NRXN3: variants seen among roughly 807,000 people sequenced by gnomAD.
NRXN3 encodes neurexin 3, also known as neurexin III.
Under a neutral mutation model 137.6 loss-of-function variants are expected in NRXN3, and 32 were observed. The ratio of observed to expected loss-of-function variants is 0.23; its 90% CI spans 0.18 to 0.31. The LOEUF is 0.31. NRXN3 is among the 10% of genes least tolerant of loss of function. The pLI, the probability that NRXN3 is intolerant of heterozygous loss-of-function variation, is 1.00. For synonymous variants in NRXN3, 798 were observed against 784.5 expected (o/e 1.02, Z -0.29); for missense variants, 1,574 against 2,062.5 (o/e 0.76, Z 4.59).
chr14:78,412,077 G>A (rs1362192481), intron 4 of NRXN3, among the ~76,000 whole-genome samples: 2 of 152,180 alleles, frequency 1.3e-5, no homozygotes, highest in Non-Finnish European at 2.9e-5. Context: ...AACAAAGAAT[G>A]CATGTAAGAT....
chr14:79,163,299 T>C (rs530037142), intron 15 of NRXN3, among the ~76,000 whole-genome samples: 1 of 152,112 alleles, frequency 6.6e-6, no homozygotes, highest in African/African-American at 2.4e-5. Flanking sequence ...ACTGTACTCT[T>C]CTTCAAGCCC....
intron 10 of NRXN3, among the ~76,000 whole-genome samples, chr14:78,899,427 G>A (rs889017993): frequency 1.3e-5 from 2 of 151,902 alleles, no homozygotes; most frequent in South Asian, 4.1e-4. Flanking sequence ...TATGAGATGG[G>A]AAACCTGGCT....
chr14:78,686,789 G>A (rs1477909417), intron 6 of NRXN3, among the ~76,000 whole-genome samples: 3 of 152,172 alleles, frequency 2.0e-5, no homozygotes, highest in African/African-American at 7.2e-5. Context: ...GCTTGGGAAA[G>A]TAGAAATATA....
intron 15 of NRXN3, among the ~76,000 whole-genome samples, chr14:79,433,085 G>T (rs2095790422): frequency 6.6e-6 from 1 of 152,132 alleles, no homozygotes; most frequent in Non-Finnish European, 1.5e-5. Flanking sequence ...TAAATTTATA[G>T]TGCAGTAAAT....
At chr14:78,523,816 CAAAAAAAAAAAA>C (rs56083130) in intron 4 of NRXN3, among the ~76,000 whole-genome samples, 27,981 of 61,740 alleles carry the variant, frequency 0.45, 4,823 homozygotes, top group South Asian at 0.57. Flanking sequence ...GACTCTGTCT[CAAAAAAAAAAAA>C]AAAAAAAAAA....
rs572292601 is a variant in NRXN3 at position 79,477,275 on chromosome 14, G to A, written c.3444+9873G>A. 7.9e-5 allele frequency among the ~76,000 whole-genome samples: 12 copies of A among 152,140 alleles called. 1 individual carries two copies. The highest frequency in any genetic ancestry group is 2.9e-4 in the African/African-American group (12 of 41,538). ...GAATTCAATTGGACCGTAATGAATGGCATAAGAAAAGAGGCAGGTAATATG... is the reference window on the plus strand; with the variant it reads ...GAATTCAATTGGACCGTAATGAATGACATAAGAAAAGAGGCAGGTAATATG... On this transcript the variant is annotated intron_variant, in intron 16 of 20. Coordinates refer to ENST00000335750, the MANE Select transcript of NRXN3 (RefSeq NM_001330195.2).
At chr14:78,708,198 C>T (rs911557697) in intron 6 of NRXN3, among the ~76,000 whole-genome samples, 1 of 152,220 alleles carries the variant, frequency 6.6e-6, no homozygotes, top group Non-Finnish European at 1.5e-5. Flanking sequence ...TCTCCACCTA[C>T]CTACCCACTC....
chr14:79,060,473 A>G (rs1398092550), intron 15 of NRXN3, among the ~76,000 whole-genome samples: 1 of 152,102 alleles, frequency 6.6e-6, no homozygotes, highest in Non-Finnish European at 1.5e-5. Context: ...TTTCATCTCC[A>G]TCTCTATTCC....
chr14:78,633,159 G>A (rs1212826314), intron 4 of NRXN3, among the ~76,000 whole-genome samples: 1 of 149,122 alleles, frequency 6.7e-6, no homozygotes, highest in Non-Finnish European at 1.5e-5. Flanking sequence ...GGAGGCTGAG[G>A]CAGGAGAATG....
intron 16 of NRXN3, among the ~76,000 whole-genome samples, chr14:79,652,030 G>T (rs112284081): frequency 6.6e-6 from 1 of 152,148 alleles, no homozygotes; most frequent in East Asian, 1.9e-4. Flanking sequence ...GTTTAAGGAC[G>T]ATATTACAGT....
At chr14:79,277,378 C>A (rs1324461817) in intron 15 of NRXN3, among the ~76,000 whole-genome samples, 1 of 152,108 alleles carries the variant, frequency 6.6e-6, no homozygotes. Flanking sequence ...CAGTGGAAAT[C>A]CACCTGGGGA....
intron 19 of NRXN3, among the ~76,000 whole-genome samples, chr14:79,752,300 T>C (rs1268145464): frequency 2.0e-5 from 3 of 151,990 alleles, no homozygotes; most frequent in African/African-American, 7.2e-5. Flanking sequence ...TTTAGTCTGT[T>C]TTGGTTACTG....
At chr14:79,094,979 A>AGAGAGTGTGT (rs553957969) in intron 15 of NRXN3, among the ~76,000 whole-genome samples, 1,466 of 115,812 alleles carry the variant, frequency 0.013, 13 homozygotes, top group Middle Eastern at 0.043. Context: ...AGAGAGAGAG[A>AGAGAGTGTGT]GTGTGTGTGT....
At chr14:79,365,253 C>A (rs1323188743) in intron 15 of NRXN3, among the ~76,000 whole-genome samples, 2 of 151,986 alleles carry the variant, frequency 1.3e-5, no homozygotes, top group African/African-American at 2.4e-5. Flanking sequence ...CCACTGCAGA[C>A]CGAGAGCAGA....
intron 6 of NRXN3, among the ~76,000 whole-genome samples, chr14:78,694,906 G>A (rs949415117): frequency 1.3e-5 from 2 of 151,996 alleles, no homozygotes; most frequent in Non-Finnish European, 2.9e-5. Context: ...GTGGGAGGGT[G>A]TATTAATTTC....
chr14:78,472,206 C>T (rs2153730315), intron 4 of NRXN3, among the ~76,000 whole-genome samples: 1 of 152,214 alleles, frequency 6.6e-6, no homozygotes, highest in Non-Finnish European at 1.5e-5. Flanking sequence ...AGTAGTTTTG[C>T]CTCTTTCTTG....
chr14:79,819,705 G>A (rs369147083), intron 20 of NRXN3, among the ~76,000 whole-genome samples: 5 of 151,852 alleles, frequency 3.3e-5, no homozygotes, highest in African/African-American at 4.8e-5. Context: ...GACTGGTCTC[G>A]AACTCCTGAC....
intron 10 of NRXN3, among the ~76,000 whole-genome samples, chr14:78,905,942 T>C (rs767294785): frequency 1.2e-4 from 19 of 152,006 alleles, no homozygotes; most frequent in Non-Finnish European, 2.5e-4. Context: ...TTTGGTGGAA[T>C]AGAAAATTGT....
chr14:79,474,363 G>C (rs758509928), intron 16 of NRXN3, among the ~76,000 whole-genome samples: 1 of 152,162 alleles, frequency 6.6e-6, no homozygotes, highest in Non-Finnish European at 1.5e-5. Context: ...GACTGCATTA[G>C]AGAAACATAT....
Sources: gnomAD v4.1 joint callset for allele counts (sites outside exome capture counted in the v4.1 genomes callset) on GRCh38, gnomAD v4.1.1 for gene constraint, MANE v1.5 for transcripts, NCBI Gene and HGNC (gene_info 2026-07-23, HGNC 2026-07-21) for gene names.